Variants in NFASC observed in about 807,000 individuals in gnomAD.
The protein encoded by NFASC is neurofascin, also known as neurofascin homolog.
A neutral mutation model predicts 147.5 loss-of-function variants in NFASC; 43 were observed. The observed-to-expected ratio is 0.29, with a 90% CI of 0.23 to 0.38. The LOEUF (loss-of-function observed/expected upper bound fraction) is 0.38, where lower values mean the gene tolerates loss of function less well. NFASC is among the 10% of genes least tolerant of loss of function. The pLI is 1.00. For synonymous variants in NFASC, 622 were observed against 665.5 expected (o/e 0.93, Z 1.01); for missense variants, 1,320 against 1,689.0 (o/e 0.78, Z 3.83).
At chr1:204,862,416 C>G (rs551330881) in intron 1 of NFASC, among the ~76,000 whole-genome samples, 1 of 152,312 alleles carries the variant, frequency 6.6e-6, no homozygotes, top group East Asian at 1.9e-4. Context: ...GGAGACAGCA[C>G]TAATTTAAAT....
intron 2 of NFASC, among the ~76,000 whole-genome samples, chr1:204,927,998 G>T (rs1327328431): frequency 6.6e-6 from 1 of 152,208 alleles, no homozygotes; most frequent in Non-Finnish European, 1.5e-5. Context: ...TTCCTCCCCA[G>T]AGGGGGGAGT....
intron 1 of NFASC, among the ~76,000 whole-genome samples, chr1:204,909,111 T>C (rs973805224): frequency 6.6e-6 from 1 of 152,214 alleles, no homozygotes; most frequent in Non-Finnish European, 1.5e-5. Flanking sequence ...CAGAGGTATA[T>C]TTGCTGGGTC....
intron 5 of NFASC, among the ~76,000 whole-genome samples, chr1:204,953,205 A>T (rs1029406660): frequency 1.1e-4 from 16 of 152,190 alleles, no homozygotes; most frequent in Non-Finnish European, 2.2e-4. Context: ...TCCCAGGAGG[A>T]GCAGAGGGGG....
In NFASC at chr1:205,021,421, A is replaced by C. The variant is rs1184323341; in HGVS notation, c.*4882A>C. On this transcript the variant is annotated 3_prime_UTR_variant, in exon 30 of 30. Coordinates refer to ENST00000339876, the MANE Select transcript of NFASC (RefSeq NM_001005388.3). The stretch of plus-strand genomic sequence containing the variant: ...ACTAGTATTAAATGGGTGTTCCATA[A>C]TGAGGAGAATGGAAATAGGTACAAG... 1 of 152,660 alleles carries C rather than the reference A, an allele frequency of 6.6e-6. No homozygotes were observed. Among genetic ancestry groups the C allele is most frequent in the South Asian group, 2.1e-4 (1 of 4,828 alleles). 9.5% of individuals were successfully genotyped at this position (152,660 alleles called of 1,614,324 possible).
chr1:204,885,695 G>C (rs958760561), intron 1 of NFASC, among the ~76,000 whole-genome samples: 4 of 152,200 alleles, frequency 2.6e-5, no homozygotes, highest in African/African-American at 9.7e-5. Flanking sequence ...CTGGTTCAAA[G>C]TTCCTTAGCC....
intron 1 of NFASC, among the ~76,000 whole-genome samples, chr1:204,902,310 G>A (rs1467245749): frequency 6.6e-6 from 1 of 152,006 alleles, no homozygotes; most frequent in African/African-American, 2.4e-5. Flanking sequence ...AAAAAAAGAG[G>A]GAGGCAGAAC....
At chr1:204,907,189 A>G (rs1217106957) in intron 1 of NFASC, among the ~76,000 whole-genome samples, 1 of 152,044 alleles carries the variant, frequency 6.6e-6, no homozygotes, top group East Asian at 1.9e-4. Flanking sequence ...ATGGTATCTC[A>G]ATGTGGTTTT....
chr1:204,937,721 G>T (rs1382080291), intron 2 of NFASC, among the ~76,000 whole-genome samples: 6 of 152,168 alleles, frequency 3.9e-5, no homozygotes, highest in African/African-American at 1.4e-4. Flanking sequence ...TTCTGTCTGG[G>T]TTTTGGCAAA....
chr1:204,844,085 C>T (rs543094756), intron 1 of NFASC, among the ~76,000 whole-genome samples: 42 of 152,272 alleles, frequency 2.8e-4, no homozygotes, highest in African/African-American at 1.0e-3. Context: ...AGAGTGCATG[C>T]ATCTGGTCTT....
rs764323507 is a variant in NFASC at position 204,979,465 on chromosome 1, G to T, written c.2082G>T (p.Pro694=). Residue 694 remains proline (P), a synonymous_variant, in exon 19 of 30, where the codon CCG becomes CCT. Coordinates refer to ENST00000339876, the MANE Select transcript of NFASC (RefSeq NM_001005388.3). This position sits in a 1 kb window ranked among gnomAD's most constrained non-coding sequence, Gnocchi z 6.0. Reference sequence around the variant, plus strand: ...ACTCAGCCGTCCTCCGGCTGTCCCCGTATGTCAACTACCAGTTCCGTGTCA... The same window carrying T: ...ACTCAGCCGTCCTCCGGCTGTCCCCTTATGTCAACTACCAGTTCCGTGTCA... The part of the protein sequence containing the change: ...SVNSAVLRLS[P]YVNYQFRVIA... 2 of 1,613,956 alleles carry T rather than the reference G, an allele frequency of 1.2e-6. No individual in the cohort carries two copies. The highest frequency in any genetic ancestry group is 1.7e-6 in the Non-Finnish European group (2 of 1,179,998).
At chr1:205,004,797 C>T (rs887725771) in intron 27 of NFASC, among the ~76,000 whole-genome samples, 3 of 152,130 alleles carry the variant, frequency 2.0e-5, no homozygotes, top group East Asian at 3.9e-4. Context: ...GACTTGAGTG[C>T]GCTATAGCAG....
intron 11 of NFASC, among the ~76,000 whole-genome samples, chr1:204,970,949 GCCTGGAAC>G (rs2095227771): frequency 6.6e-6 from 1 of 152,178 alleles, no homozygotes; most frequent in African/African-American, 2.4e-5. Context: ...AGAACAGGAG[GCCTGGAAC>G]TCTGTGGTCA....
At position 205,012,858 on chromosome 1, in the gene NFASC, T is replaced by A. The variant is rs778086480; in HGVS notation, c.3483T>A (p.Phe1161Leu). The change falls in exon 29 of 30, where the codon TTT becomes TTA. Residue 1161 changes from phenylalanine (F) to leucine (L), a missense_variant. This residue lies in a region of NFASC where 167 missense variants were observed against 233.8 expected (regional missense o/e 0.71). Coordinates refer to ENST00000339876, the MANE Select transcript of NFASC (RefSeq NM_001005388.3). ...ACCCCAAGGAAGAGGATGGCTCATT[T>A]GACTATAGGTGCGTGATCTCCCTCC... ...PEDPKEEDGS[F>L]DYSDEDNKPL... 1 of 1,611,742 alleles carries A rather than the reference T, an allele frequency of 6.2e-7. No individual in the cohort carries two copies. The highest frequency in any genetic ancestry group is 8.5e-7 in the Non-Finnish European group (1 of 1,177,814).
chr1:204,943,154 G>A (rs1303184117), intron 2 of NFASC, among the ~76,000 whole-genome samples: 2 of 152,198 alleles, frequency 1.3e-5, no homozygotes, highest in Admixed American at 1.3e-4. Context: ...GAGGAATTCT[G>A]GAGAAGCCAC....
intron 1 of NFASC, among the ~76,000 whole-genome samples, chr1:204,832,261 A>G (rs1272905662): frequency 6.6e-6 from 1 of 152,176 alleles, no homozygotes; most frequent in East Asian, 1.9e-4. Flanking sequence ...CCCATCTTCT[A>G]AGCTCTTGTA....
At chr1:204,836,417 T>C (rs1251554060) in intron 1 of NFASC, among the ~76,000 whole-genome samples, 1 of 152,200 alleles carries the variant, frequency 6.6e-6, no homozygotes, top group African/African-American at 2.4e-5. Context: ...AATATTGAGG[T>C]AAAATTTTAA....
intron 1 of NFASC, among the ~76,000 whole-genome samples, chr1:204,905,420 G>A (rs574175249): frequency 8.0e-5 from 12 of 150,814 alleles, no homozygotes; most frequent in Admixed American, 3.3e-4. Flanking sequence ...AAGGTGTCTC[G>A]TTGTGGTTTT....
At position 204,973,514 on chromosome 1, in the gene NFASC, C is replaced by T. The variant is rs568325934; in HGVS notation, c.1279+95C>T. ...ATGTCGTGGGGCACACTTTCTTCTC[C>T]GGGGATTGGCCAAGCTGGGTGAGGT... On this transcript the variant is annotated intron_variant, in intron 12 of 29. Transcript: ENST00000339876. 2.3e-5 allele frequency: 33 copies of T among 1,459,972 alleles called. No individual in the cohort carries two copies. The East Asian group carries it at 2.4e-4, about 11-fold the overall frequency. 90.4% of individuals were successfully genotyped at this position (1,459,972 alleles called of 1,614,324 possible). A position where few individuals can be genotyped will look rare whatever the true frequency, so the allele number is the denominator to read the frequency against.
intron 20 of NFASC, 79 bp downstream of exon 20, chr1:204,980,519 C>T (rs1285501076): frequency 5.8e-6 from 6 of 1,029,332 alleles, no homozygotes; most frequent in Non-Finnish European, 7.4e-6. Context: ...GATGCCCCGA[C>T]ACTACGAGGC....
Sources: allele counts gnomAD v4.1 joint callset (sites outside exome capture counted in the v4.1 genomes callset), GRCh38; gene constraint gnomAD v4.1.1; regional missense constraint gnomAD v4.1.1; non-coding constraint Gnocchi (gnomAD v3.1); transcripts MANE v1.5; gene names NCBI Gene and HGNC (gene_info 2026-07-23, HGNC 2026-07-21).